RAB3GAP1: variants seen among roughly 807,000 people sequenced by gnomAD.
RAB3GAP1 encodes the protein RAB3 GTPase activating protein catalytic subunit 1, also known as rab3 GTPase-activating protein catalytic subunit.
In RAB3GAP1, 86 loss-of-function variants were observed where a neutral mutation model predicts 130.7. The ratio of observed to expected loss-of-function variants is 0.66; its 90% CI spans 0.55 to 0.79. RAB3GAP1 has a LOEUF of 0.79. RAB3GAP1 is among the 30% of genes least tolerant of loss of function. The pLI is 0.00. For missense variants in RAB3GAP1, 1,029 were observed against 1,169.4 expected, an observed-to-expected ratio of 0.88 and a Z score of 1.75; for synonymous variants, 367 against 401.7, an observed-to-expected ratio of 0.91 and a Z score of 1.03.
intron 17 of RAB3GAP1, among the ~76,000 whole-genome samples, chr2:135,140,454 A>AT (rs1691805832): frequency 6.6e-6 from 1 of 152,212 alleles, no homozygotes; most frequent in Admixed American, 6.5e-5. Flanking sequence ...AGGAAGACTC[A>AT]TAAGACTTAG....
At chr2:135,074,278 T>A (rs186876698) in intron 3 of RAB3GAP1, among the ~76,000 whole-genome samples, 287 of 152,272 alleles carry the variant, frequency 1.9e-3, no homozygotes, top group African/African-American at 6.5e-3. Flanking sequence ...TGGTCAAGCT[T>A]CTGCCTGCCA....
At chr2:135,158,546 G>A (rs1692380145) in intron 19 of RAB3GAP1, among the ~76,000 whole-genome samples, 1 of 152,172 alleles carries the variant, frequency 6.6e-6, no homozygotes, top group Non-Finnish European at 1.5e-5. Flanking sequence ...ACAACTAGGG[G>A]AAAGGGGAAG....
At chr2:135,175,036 CTGT>C (rs545258513), downstream of RAB3GAP1, among the ~76,000 whole-genome samples, 154 of 152,328 alleles carry the variant, frequency 1.0e-3, no homozygotes, top group African/African-American at 3.7e-3. Flanking sequence ...TTCTTGACTC[CTGT>C]TGTTACTTTG....
chr2:135,092,170 T>A (rs1330872516), intron 4 of RAB3GAP1, among the ~76,000 whole-genome samples: 4 of 152,168 alleles, frequency 2.6e-5, no homozygotes, highest in African/African-American at 9.7e-5. Flanking sequence ...AGAAAATAAT[T>A]AAGCCAGAAT....
chr2:135,167,809 G>A, intron 23 of RAB3GAP1: 1 of 1,088,526 alleles, frequency 9.2e-7, no homozygotes, highest in Admixed American at 2.6e-5. Flanking sequence ...CTCACAGTCT[G>A]GATTTGGCTT....
At chr2:135,171,111 A>G (rs1250003179), downstream of RAB3GAP1, among the ~76,000 whole-genome samples, 1 of 151,930 alleles carries the variant, frequency 6.6e-6, no homozygotes. Flanking sequence ...AAGCAGAGGA[A>G]CGGAATGGGC....
intron 5 of RAB3GAP1, among the ~76,000 whole-genome samples, chr2:135,103,910 A>G (rs928077186): frequency 1.3e-5 from 2 of 152,184 alleles, no homozygotes; most frequent in Non-Finnish European, 2.9e-5. Flanking sequence ...AAAGACAGAT[A>G]CCCTCTCTAC....
At chr2:135,121,205 T>C (rs1691190048) in intron 8 of RAB3GAP1, among the ~76,000 whole-genome samples, 2 of 152,178 alleles carry the variant, frequency 1.3e-5, no homozygotes, top group African/African-American at 4.8e-5. Flanking sequence ...TAAATTACTA[T>C]GTAGCGAATG....
chr2:135,168,524 T>C (rs1403840565), intron 23 of RAB3GAP1, 21 bp from the exon 24 acceptor site: 1 of 1,599,924 alleles, frequency 6.3e-7, no homozygotes, highest in African/African-American at 1.3e-5. Context: ...CTTTTGACTT[T>C]AGCATTTGAT....
rs1430361095 is a variant in RAB3GAP1 at position 135,081,328 on chromosome 2, ATATATATATATAT to A, written c.151-9669_151-9657del. On this transcript the variant is annotated intron_variant, in intron 3 of 23. Coordinates refer to ENST00000264158, the MANE Select transcript of RAB3GAP1 (RefSeq NM_012233.3). The stretch of plus-strand genomic sequence containing the variant: ...TCTCAAAAAAAAAAAAAAAAAAAAA[ATATATATATATAT>A]ATATATATATATATATATATACACA... Among the ~76,000 whole-genome samples, 214 of 55,390 alleles carry A rather than the reference ATATATATATATAT, an allele frequency of 3.9e-3. 4 individuals are homozygous for A. The highest frequency in any genetic ancestry group is 0.021 in the African/African-American group (199 of 9,436). 36.3% of individuals were successfully genotyped at this position (55,390 alleles called of 152,430 possible).
intron 5 of RAB3GAP1, among the ~76,000 whole-genome samples, chr2:135,105,196 TCC>T (rs1690559002): frequency 9.6e-6 from 1 of 103,922 alleles, no homozygotes; most frequent in African/African-American, 3.9e-5. Context: ...CCTCTCCCTC[TCC>T]CCCTTCCCTC....
At chr2:135,128,915 T>A (rs1242468079) in intron 11 of RAB3GAP1, among the ~76,000 whole-genome samples, 1 of 151,948 alleles carries the variant, frequency 6.6e-6, no homozygotes, top group African/African-American at 2.4e-5. Flanking sequence ...TTTTGAGAGG[T>A]CGAGGCAGGT....
intron 19 of RAB3GAP1, among the ~76,000 whole-genome samples, chr2:135,161,987 A>G (rs1692478255): frequency 6.6e-6 from 1 of 152,138 alleles, no homozygotes; most frequent in Admixed American, 6.5e-5. Context: ...GTACATATTT[A>G]TAGGGTTATA....
chr2:135,081,306 C>CAAA lies in RAB3GAP1; in HGVS notation c.151-9672_151-9670dup, dbSNP rs1169138978. Among the ~76,000 whole-genome samples, 43 of 13,192 alleles carry CAAA rather than the reference C, an allele frequency of 3.3e-3. 3 individuals are homozygous for CAAA. The highest frequency in any genetic ancestry group is 5.4e-3 in the African/African-American group (20 of 3,702). The allele number at this position is 13,192 out of a possible 152,430, so 8.7% of individuals were successfully genotyped here. A position where few individuals can be genotyped will look rare whatever the true frequency, so the allele number is the denominator to read the frequency against. ...TGGGTGACAGAGCAAGACTCCGTCT[C>CAAA]AAAAAAAAAAAAAAAAAAAAAATAT... On this transcript the variant is annotated intron_variant, in intron 3 of 23. Coordinates refer to ENST00000264158, the MANE Select transcript of RAB3GAP1 (RefSeq NM_012233.3).
In RAB3GAP1 at chr2:135,169,468, G is replaced by A. The variant is rs1318092521; in HGVS notation, c.*687G>A. On this transcript the variant is annotated 3_prime_UTR_variant, in exon 24 of 24. Transcript: ENST00000264158. ...CAAATTAGTTTTATATCTGTCATGT[G>A]AGATTTGTCTTACTTATTTTTCTTT... 1 of 185,806 alleles carries A rather than the reference G, an allele frequency of 5.4e-6. No individual in the cohort carries two copies. Among genetic ancestry groups the A allele is most frequent in the Non-Finnish European group, 1.1e-5 (1 of 88,462 alleles). 11.5% of individuals were successfully genotyped at this position (185,806 alleles called of 1,614,324 possible).
chr2:135,112,826 T>TCACACA (rs771767425), intron 5 of RAB3GAP1, among the ~76,000 whole-genome samples: 3 of 129,950 alleles, frequency 2.3e-5, no homozygotes, highest in African/African-American at 1.1e-4. Flanking sequence ...TCTCTCTCTC[T>TCACACA]CTCTCTCTCA....
rs112113212 is a variant in RAB3GAP1, at chr2:135,081,196, A to T, written c.151-9802A>T. 3.0e-3 allele frequency among the ~76,000 whole-genome samples: 445 copies of T among 147,844 alleles called. 3 individuals are homozygous for T. The highest frequency in any genetic ancestry group is 0.01 in the African/African-American group (414 of 39,966). ...GTGGTGGGTGCCTGTAGTCCCAGCT[A>T]CTCGGGAGGCTGAGGCAGGAGAATG... On this transcript the variant is annotated intron_variant, in intron 3 of 23. Coordinates refer to ENST00000264158, the MANE Select transcript of RAB3GAP1 (RefSeq NM_012233.3).
chr2:135,115,098 G>A (rs1195825606), intron 6 of RAB3GAP1, 118 bp from the exon 7 acceptor site: 4 of 925,226 alleles, frequency 4.3e-6, no homozygotes, highest in African/African-American at 1.7e-5. Flanking sequence ...TGTTTTTGTT[G>A]TGTTTCCAGT....
At chr2:135,055,678 C>CA (rs1209770688) in intron 2 of RAB3GAP1, among the ~76,000 whole-genome samples, 8,501 of 65,532 alleles carry the variant, frequency 0.13, 465 homozygotes, top group African/African-American at 0.26. Flanking sequence ...GACCCTGTCT[C>CA]AAAAAAAAAA....
Sources: allele counts gnomAD v4.1 joint callset (sites outside exome capture counted in the v4.1 genomes callset), GRCh38; gene constraint gnomAD v4.1.1; transcripts MANE v1.5; gene names NCBI Gene and HGNC (gene_info 2026-07-23, HGNC 2026-07-21).